Variants in KCNK10 observed in about 807,000 individuals in gnomAD.
KCNK10 encodes potassium channel subfamily K member 10.
KCNK10 carries 25 observed loss-of-function variants against 47.7 expected under a neutral mutation model. The observed-to-expected ratio is 0.52, with a 90% CI of 0.38 to 0.73. KCNK10 has a LOEUF of 0.73. Ranked by LOEUF, KCNK10 falls within the 30% of genes least tolerant of loss-of-function variation. The probability of loss-of-function intolerance (pLI) is 0.00; values close to 1 mark genes in which losing one functional copy is unlikely to be tolerated. For synonymous variants in KCNK10, 303 were observed against 285.6 expected, an observed-to-expected ratio of 1.06 and a Z score of -0.61; for missense variants, 563 against 714.5, an observed-to-expected ratio of 0.79 and a Z score of 2.42.
intron 4 of KCNK10, among the ~76,000 whole-genome samples, chr14:88,204,827 C>T (rs1885214125): frequency 6.6e-6 from 1 of 152,110 alleles, no homozygotes; most frequent in Admixed American, 6.6e-5. Flanking sequence ...CACAGCCTTC[C>T]CCACTATCAA....
chr14:88,211,640 G>C (rs1885460310), intron 4 of KCNK10, among the ~76,000 whole-genome samples: 1 of 152,138 alleles, frequency 6.6e-6, no homozygotes, highest in Admixed American at 6.5e-5. Context: ...GCTCACGGCT[G>C]TAATCCCAGT....
intron 1 of KCNK10, among the ~76,000 whole-genome samples, chr14:88,292,674 C>G (rs1887907386): frequency 6.6e-6 from 1 of 151,984 alleles, no homozygotes; most frequent in South Asian, 2.1e-4. Flanking sequence ...GCTCTGTCAC[C>G]CAGGCTGGGG....
At chr14:88,224,811 T>C (rs534198241) in intron 4 of KCNK10, among the ~76,000 whole-genome samples, 6 of 152,302 alleles carry the variant, frequency 3.9e-5, no homozygotes, top group African/African-American at 1.4e-4. Context: ...GGTTTCACCA[T>C]CTTGGCCAGG....
intron 4 of KCNK10, among the ~76,000 whole-genome samples, chr14:88,210,305 C>T (rs61975834): frequency 1.3e-5 from 2 of 152,114 alleles, no homozygotes; most frequent in South Asian, 4.1e-4. Context: ...GGACACTGGT[C>T]TTGATGCATG....
intron 1 of KCNK10, among the ~76,000 whole-genome samples, chr14:88,309,517 G>C (rs1190892617): frequency 6.6e-6 from 1 of 152,212 alleles, no homozygotes; most frequent in African/African-American, 2.4e-5. Flanking sequence ...TGGGAGGATT[G>C]ATTGAGCCCA....
intron 3 of KCNK10, among the ~76,000 whole-genome samples, chr14:88,235,781 C>G (rs1223849391): frequency 1.3e-5 from 2 of 152,076 alleles, no homozygotes; most frequent in African/African-American, 4.8e-5. Flanking sequence ...TCCCAAAGAA[C>G]AAAACCAAAA....
rs139750726 is a variant in KCNK10 at position 88,193,898 on chromosome 14, C to A, written c.682-1488G>T. On this transcript the variant is annotated intron_variant, in intron 4 of 6. Coordinates refer to ENST00000319231, the MANE Select transcript of KCNK10 (RefSeq NM_138317.3). ...TCTAACAGAAGAAATCAGACTAACTCCTGCTGAAAATGGGCAGTCCTCTGT... is the reference window on the plus strand; with the variant it reads ...TCTAACAGAAGAAATCAGACTAACTACTGCTGAAAATGGGCAGTCCTCTGT... Among the ~76,000 whole-genome samples, 1,094 of 152,272 alleles carry A rather than the reference C, an allele frequency of 7.2e-3. 12 individuals are homozygous for A. Among genetic ancestry groups the A allele is most frequent in the Admixed American group, 0.011 (164 of 15,294 alleles).
intron 1 of KCNK10, among the ~76,000 whole-genome samples, chr14:88,295,705 T>A (rs973083341): frequency 1.3e-5 from 2 of 150,940 alleles, no homozygotes; most frequent in Non-Finnish European, 3.0e-5. Flanking sequence ...ATTTATTTCC[T>A]TGAGATCTAC....
At position 88,186,080 on chromosome 14, in the gene KCNK10, G is replaced by T; in HGVS notation, c.1087C>A (p.Leu363Ile). 6.2e-7 allele frequency: 1 copy of T among 1,612,054 alleles called. No homozygotes were observed. The highest frequency in any genetic ancestry group is 8.5e-7 in the Non-Finnish European group (1 of 1,179,780). Residue 363 changes from leucine (L) to isoleucine (I), a missense_variant, in exon 7 of 7, where the codon CTC becomes ATC. Leu to Ile is a conservative substitution (Grantham distance 5). Coordinates refer to ENST00000319231, the MANE Select transcript of KCNK10 (RefSeq NM_138317.3). The surrounding 1 kb of genome is among the most constrained non-coding windows in gnomAD (Gnocchi z 5.5). ...AGCTTATCGTGGATCTCCACGCTGA[G>T]CCTTCGCCGTGTCTCCCGGAACTCA... ...TAEFRETRRR[L>I]SVEIHDKLQR...
intron 2 of KCNK10, among the ~76,000 whole-genome samples, chr14:88,243,237 C>G (rs1886531982): frequency 6.6e-6 from 1 of 152,208 alleles, no homozygotes; most frequent in African/African-American, 2.4e-5. Context: ...GCACTAGAAG[C>G]GTCATTCTGT....
chr14:88,199,797 T>C (rs1334996705), intron 4 of KCNK10, among the ~76,000 whole-genome samples: 1 of 152,166 alleles, frequency 6.6e-6, no homozygotes, highest in Non-Finnish European at 1.5e-5. Flanking sequence ...GGAATAAAGG[T>C]AAATGACAAA....
At chr14:88,275,940 A>G (rs1272007807) in intron 1 of KCNK10, among the ~76,000 whole-genome samples, 1 of 152,104 alleles carries the variant, frequency 6.6e-6, no homozygotes, top group Admixed American at 6.5e-5. Context: ...GGCTGTAGGT[A>G]CAGGCCAGAA....
At chr14:88,187,573 T>G (rs1312699241) in intron 6 of KCNK10, among the ~76,000 whole-genome samples, 1 of 152,092 alleles carries the variant, frequency 6.6e-6, no homozygotes, top group African/African-American at 2.4e-5. Flanking sequence ...GAAAGATTCT[T>G]GGCGTTCAAC....
rs1174633441 is a variant in KCNK10 at position 88,186,442 on chromosome 14, C to T, written c.1012-287G>A. ...TTAAAGAGAGGGGGACGGCATCCTG[C>T]AGGAGAGGTTAAAATGTGGAGTTGG... On this transcript the variant is annotated intron_variant, in intron 6 of 6. Transcript: ENST00000319231. This position sits in a 1 kb window ranked among gnomAD's most constrained non-coding sequence, Gnocchi z 5.5. 1.3e-5 allele frequency among the ~76,000 whole-genome samples: 2 copies of T among 151,694 alleles called. No homozygotes were observed. Among genetic ancestry groups the T allele is most frequent in the African/African-American group, 4.9e-5 (2 of 41,002 alleles).
chr14:88,193,093 G>A (rs933859113), intron 4 of KCNK10, among the ~76,000 whole-genome samples: 1 of 152,182 alleles, frequency 6.6e-6, no homozygotes, highest in African/African-American at 2.4e-5. Flanking sequence ...TGTGTTGACT[G>A]TATCACTCAC....
chr14:88,296,649 G>A (rs1019054220), intron 1 of KCNK10, among the ~76,000 whole-genome samples: 3 of 152,130 alleles, frequency 2.0e-5, no homozygotes, highest in East Asian at 1.9e-4. Context: ...ATGAGGCATC[G>A]GAAAATGTCT....
intron 1 of KCNK10, among the ~76,000 whole-genome samples, chr14:88,288,027 T>C (rs1887804238): frequency 6.6e-6 from 1 of 152,190 alleles, no homozygotes; most frequent in South Asian, 2.1e-4. Flanking sequence ...TTTTTTATTA[T>C]GGCCATTCTT....
chr14:88,294,710 C>T (rs965612205), intron 1 of KCNK10, among the ~76,000 whole-genome samples: 2 of 152,184 alleles, frequency 1.3e-5, no homozygotes, highest in Non-Finnish European at 2.9e-5. Context: ...CTTTAAAATA[C>T]AAATTCCAGC....
chr14:88,258,290 C>CTTTTTT (rs1255773967), intron 2 of KCNK10, among the ~76,000 whole-genome samples: 1 of 136,262 alleles, frequency 7.3e-6, no homozygotes, highest in Non-Finnish European at 1.6e-5. Flanking sequence ...TATGGTGAGT[C>CTTTTTT]TTTTTTTTTT....
Sources: allele counts gnomAD v4.1 joint callset (sites outside exome capture counted in the v4.1 genomes callset), GRCh38; gene constraint gnomAD v4.1.1; non-coding constraint Gnocchi (gnomAD v3.1); transcripts MANE v1.5; gene names NCBI Gene and HGNC (gene_info 2026-07-23, HGNC 2026-07-21).